Variants in SLC1A2 observed in about 807,000 individuals in gnomAD.
SLC1A2 encodes solute carrier family 1 member 2.
SLC1A2 carries 15 observed loss-of-function variants against 48.8 expected under a neutral mutation model. The ratio of observed to expected loss-of-function variants is 0.31; its 90% CI spans 0.21 to 0.47. SLC1A2 has a LOEUF of 0.47. SLC1A2 is among the 20% of genes least tolerant of loss of function. SLC1A2 has a pLI of 0.99. For synonymous variants in SLC1A2, 279 were observed against 272.6 expected (o/e 1.02, Z -0.23); for missense variants, 502 against 730.5 (o/e 0.69, Z 3.61).
At chr11:35,365,793 A>T (rs1198784665) in intron 1 of SLC1A2, among the ~76,000 whole-genome samples, 1 of 152,148 alleles carries the variant, frequency 6.6e-6, no homozygotes, top group Non-Finnish European at 1.5e-5. Context: ...GGCATCCACA[A>T]TTTATTTCAG....
chr11:35,274,561 T>TTGTG lies in SLC1A2; in HGVS notation c.1421+6302_1421+6305dup, dbSNP rs199559536. Among the ~76,000 whole-genome samples, 5 of 150,598 alleles carry TTGTG rather than the reference T, an allele frequency of 3.3e-5. No homozygotes were observed. In the East Asian group the frequency reaches 5.8e-4, roughly 18 times the overall value. On this transcript the variant is annotated intron_variant, in intron 9 of 10. Coordinates refer to ENST00000278379, the MANE Select transcript of SLC1A2 (RefSeq NM_004171.4). ...TGAGTGGAGGGTCAGTTAGTTAAGT[T>TTGTG]TGTGTGTGTGTGTGTGTGCATGTGC...
intron 1 of SLC1A2, among the ~76,000 whole-genome samples, chr11:35,365,329 A>G (rs148943288): frequency 1.5e-4 from 23 of 152,298 alleles, no homozygotes; most frequent in African/African-American, 5.3e-4. Context: ...TGATATGGTA[A>G]AGCTGGTGTA....
intron 1 of SLC1A2, among the ~76,000 whole-genome samples, chr11:35,418,048 T>G (rs1565315007): frequency 6.6e-6 from 1 of 152,200 alleles, no homozygotes; most frequent in Non-Finnish European, 1.5e-5. Context: ...AGCTGCCCAG[T>G]CTTTTCATTG....
chr11:35,301,533 C>A lies in SLC1A2; in HGVS notation c.843G>T (p.Val281=). The stretch of plus-strand genomic sequence containing the variant: ...AGGCCACTTACCACATGATCATGAT[C>A]ACTAACTTCATTACAATCTCATTCA... ...NILNEIVMKL[V]IMIMWYSPLG... Residue 281 remains valine, a synonymous_variant, in exon 6 of 11, where the codon GTG becomes GTT. Coordinates refer to ENST00000278379, the MANE Select transcript of SLC1A2 (RefSeq NM_004171.4). 6.2e-7 allele frequency: 1 copy of A among 1,613,672 alleles called. No homozygotes were observed. The highest frequency in any genetic ancestry group is 1.1e-5 in the South Asian group (1 of 91,036).
At chr11:35,405,304 T>C (rs376784060) in intron 1 of SLC1A2, among the ~76,000 whole-genome samples, 9 of 152,202 alleles carry the variant, frequency 5.9e-5, no homozygotes, top group African/African-American at 2.2e-4. Flanking sequence ...GGGAACTCTA[T>C]TGAGACTGAT....
chr11:35,392,651 C>T (rs186274048), intron 1 of SLC1A2, among the ~76,000 whole-genome samples: 6 of 152,312 alleles, frequency 3.9e-5, no homozygotes, highest in Non-Finnish European at 5.9e-5. Context: ...CCGGGGTTCC[C>T]ACACTCTTTT....
At chr11:35,271,340 A>G (rs943514091) in intron 9 of SLC1A2, among the ~76,000 whole-genome samples, 1 of 152,178 alleles carries the variant, frequency 6.6e-6, no homozygotes, top group African/African-American at 2.4e-5. Flanking sequence ...CTCATCCCAT[A>G]GAGAAGGCTG....
At chr11:35,296,594 C>T (rs529826675) in intron 6 of SLC1A2, among the ~76,000 whole-genome samples, 3 of 152,286 alleles carry the variant, frequency 2.0e-5, no homozygotes, top group South Asian at 2.1e-4. Flanking sequence ...GGATCTGCCT[C>T]CTGCCCACCT....
Position 35,367,365 on chromosome 11 carries a change from T to C in SLC1A2, c.18-49849A>G, listed in dbSNP as rs143593411. 2.1e-3 allele frequency among the ~76,000 whole-genome samples: 317 copies of C among 152,292 alleles called. 1 individual carries two copies. The highest frequency in any genetic ancestry group is 6.8e-3 in the African/African-American group (284 of 41,570). ...ACACTGCAGTTGCTCTCAGCCAGGGTGACCTTGGGGGAAATGCCTTCTGCA... is the reference window on the plus strand; with the variant it reads ...ACACTGCAGTTGCTCTCAGCCAGGGCGACCTTGGGGGAAATGCCTTCTGCA... On this transcript the variant is annotated intron_variant, in intron 1 of 10. Coordinates refer to ENST00000278379, the MANE Select transcript of SLC1A2 (RefSeq NM_004171.4).
chr11:35,383,379 A>C, intron 1 of SLC1A2, among the ~76,000 whole-genome samples: 1 of 152,198 alleles, frequency 6.6e-6, no homozygotes, highest in East Asian at 1.9e-4. Context: ...TATGAAAGAA[A>C]TAAGCCTAAG....
At chr11:35,351,869 C>A (rs752517508) in intron 1 of SLC1A2, among the ~76,000 whole-genome samples, 11 of 151,484 alleles carry the variant, frequency 7.3e-5, no homozygotes, top group Non-Finnish European at 1.3e-4. Flanking sequence ...CTCCTGACAT[C>A]ATGATCCACC....
intron 1 of SLC1A2, chr11:35,322,575 C>T: frequency 6.5e-7 from 1 of 1,531,658 alleles, no homozygotes. Flanking sequence ...CCTTCCACTG[C>T]TGACATCTAA....
Position 35,292,535 on chromosome 11 carries a change from A to C in SLC1A2, c.858-15T>G, listed in dbSNP as rs187816812. 2.2e-4 allele frequency: 343 copies of C among 1,526,842 alleles called. 1 individual carries two copies. In the African/African-American group the frequency reaches 3.9e-3, roughly 17 times the overall value. The allele number at this position is 1,526,842 out of a possible 1,614,324, so 94.6% of individuals were successfully genotyped here. A position where few individuals can be genotyped will look rare whatever the true frequency, so the allele number is the denominator to read the frequency against. Reference sequence around the variant, plus strand: ...GGGGAGAGTACCTGAAAAACACAAAAGGGAAAAACAGCATTGAAGAGATCA... The same window carrying C: ...GGGGAGAGTACCTGAAAAACACAAACGGGAAAAACAGCATTGAAGAGATCA... On this transcript the variant is annotated splice_polypyrimidine_tract_variant and intron_variant, in intron 6 of 10. Coordinates refer to ENST00000278379, the MANE Select transcript of SLC1A2 (RefSeq NM_004171.4).
chr11:35,286,201 A>G (rs914273560), intron 8 of SLC1A2: 1 of 152,250 alleles, frequency 6.6e-6, no homozygotes, highest in Admixed American at 6.5e-5. Flanking sequence ...GTAAAAACAA[A>G]ACTATGTGCT....
chr11:35,393,821 C>A (rs1854859794), intron 1 of SLC1A2, among the ~76,000 whole-genome samples: 1 of 152,126 alleles, frequency 6.6e-6, no homozygotes, highest in Non-Finnish European at 1.5e-5. Context: ...TGGTGGTTTG[C>A]TCAAAATGCT....
At chr11:35,402,132 C>G (rs553934944) in intron 1 of SLC1A2, among the ~76,000 whole-genome samples, 1 of 152,280 alleles carries the variant, frequency 6.6e-6, no homozygotes, top group Non-Finnish European at 1.5e-5. Context: ...GTTGCTGGCA[C>G]ATAGCTAAAA....
At chr11:35,272,005 T>G (rs1282921279) in intron 9 of SLC1A2, among the ~76,000 whole-genome samples, 1 of 152,120 alleles carries the variant, frequency 6.6e-6, no homozygotes, top group African/African-American at 2.4e-5. Flanking sequence ...TTATTCAAGA[T>G]GATTGATTGA....
chr11:35,360,191 C>T, intron 1 of SLC1A2: 1 of 514,782 alleles, frequency 1.9e-6, no homozygotes, highest in Non-Finnish European at 2.5e-6. Context: ...AAAGACGTCA[C>T]AAACTGTCCT....
chr11:35,395,620 T>C (rs1854927628), intron 1 of SLC1A2, among the ~76,000 whole-genome samples: 1 of 151,670 alleles, frequency 6.6e-6, no homozygotes, highest in Admixed American at 6.6e-5. Context: ...GCCACAGTCT[T>C]AGACGCTAGG....
Sources: allele counts gnomAD v4.1 joint callset (sites outside exome capture counted in the v4.1 genomes callset), GRCh38; gene constraint gnomAD v4.1.1; transcripts MANE v1.5; gene names NCBI Gene and HGNC (gene_info 2026-07-23, HGNC 2026-07-21).